The following PRTG variants were observed in gnomAD, a reference collection of about 807,000 sequenced individuals.
PRTG encodes the protein protogenin, also known as immunoglobulin superfamily, DCC subclass, member 5.
Under a neutral mutation model 122.5 loss-of-function variants are expected in PRTG, and 67 were observed. That is an observed-to-expected ratio of 0.55 (90% confidence interval 0.45 to 0.67). PRTG has a LOEUF of 0.67. Among genes scored for constraint, PRTG ranks in the 30% least tolerant of loss-of-function variants. PRTG has a pLI of 0.00. For missense variants in PRTG, 1,435 were observed against 1,415.4 expected, an observed-to-expected ratio of 1.01 and a Z score of -0.22; for synonymous variants, 554 against 501.1, an observed-to-expected ratio of 1.11 and a Z score of -1.41.
At chr15:55,674,587 A>G (rs1402389564) in intron 9 of PRTG, among the ~76,000 whole-genome samples, 2 of 152,204 alleles carry the variant, frequency 1.3e-5, no homozygotes, top group African/African-American at 4.8e-5. Flanking sequence ...TAAAATTTGG[A>G]ATTCATTAAC....
intron 1 of PRTG, 27 bp downstream of exon 1, chr15:55,742,811 A>AGAGAAAGCAG (rs2031656951): frequency 1.3e-6 from 2 of 1,540,500 alleles, no homozygotes; most frequent in East Asian, 2.5e-5. Flanking sequence ...CACAGCGGTA[A>AGAGAAAGCAG]GAGAAAGCAG....
intron 1 of PRTG, 127 bp downstream of exon 1, chr15:55,742,711 G>C: frequency 8.7e-7 from 1 of 1,148,804 alleles, no homozygotes; most frequent in Non-Finnish European, 1.2e-6. Context: ...CGGGGGCCGG[G>C]GGTCAGCGCC....
intron 15 of PRTG, among the ~76,000 whole-genome samples, chr15:55,635,902 G>C (rs2059255356): frequency 6.6e-6 from 1 of 152,054 alleles, no homozygotes; most frequent in Non-Finnish European, 1.5e-5. Context: ...TTCTTCTTCA[G>C]CTTTTTATTG....
At chr15:55,698,065 G>A (rs1002374262) in intron 2 of PRTG, among the ~76,000 whole-genome samples, 1 of 151,994 alleles carries the variant, frequency 6.6e-6, no homozygotes, top group Admixed American at 6.6e-5. Flanking sequence ...CTTGCACCAA[G>A]GTTAACCTTC....
At chr15:55,711,081 A>ATTTTTTTT (rs1168529643) in intron 2 of PRTG, among the ~76,000 whole-genome samples, 3 of 115,480 alleles carry the variant, frequency 2.6e-5, no homozygotes, top group Non-Finnish European at 3.7e-5. Flanking sequence ...TAATTTTTGT[A>ATTTTTTTT]TTTTTTTTTT....
intron 2 of PRTG, among the ~76,000 whole-genome samples, chr15:55,709,300 C>T (rs542458836): frequency 6.9e-6 from 1 of 145,914 alleles, no homozygotes; most frequent in East Asian, 2.0e-4. Flanking sequence ...AGACCCATAA[C>T]AAAAAGAAAG....
intron 2 of PRTG, among the ~76,000 whole-genome samples, chr15:55,701,907 T>C (rs751750203): frequency 1.3e-5 from 2 of 152,102 alleles, no homozygotes; most frequent in Non-Finnish European, 2.9e-5. Flanking sequence ...ATGCAAAATA[T>C]ATGGGCTGCT....
At chr15:55,640,257 CA>C (rs1181646545) in intron 12 of PRTG, among the ~76,000 whole-genome samples, 14 of 152,190 alleles carry the variant, frequency 9.2e-5, no homozygotes, top group Admixed American at 9.2e-4. Flanking sequence ...TTTGTGTATC[CA>C]AACATATCCA....
chr15:55,716,965 T>A (rs1316995665), intron 2 of PRTG, among the ~76,000 whole-genome samples: 1 of 152,164 alleles, frequency 6.6e-6, no homozygotes, highest in Admixed American at 6.6e-5. Context: ...TCGAGGAACA[T>A]CATCAGGTAC....
At position 55,620,418 on chromosome 15, in the gene PRTG, G is replaced by A. The variant is rs180697051; in HGVS notation, c.3199-152C>T. 5,167 of 1,410,982 alleles carry A rather than the reference G, an allele frequency of 3.7e-3. 18 individuals carry two copies. The highest frequency in any genetic ancestry group is 4.4e-3 in the Middle Eastern group (17 of 3,854). The allele number at this position is 1,410,982 out of a possible 1,614,324, so 87.4% of individuals were successfully genotyped here. ...AGCTTCTTCAGTGCTTCTGATGCAC[G>A]CTCCTGCTCCTATCCCTTACCTCAC... On this transcript the variant is annotated intron_variant, in intron 19 of 19. Coordinates refer to ENST00000389286, the MANE Select transcript of PRTG (RefSeq NM_173814.6).
chr15:55,669,151 A>G (rs2059454410), intron 11 of PRTG, among the ~76,000 whole-genome samples: 1 of 152,150 alleles, frequency 6.6e-6, no homozygotes, highest in Non-Finnish European at 1.5e-5. Flanking sequence ...TTAAATTAAA[A>G]ACTTAATTAT....
intron 2 of PRTG, among the ~76,000 whole-genome samples, chr15:55,736,754 C>T (rs2031425743): frequency 6.6e-6 from 1 of 152,066 alleles, no homozygotes; most frequent in Non-Finnish European, 1.5e-5. Context: ...ATTTTTTACC[C>T]AAGTGAACAG....
intron 11 of PRTG, 94 bp from the exon 12 acceptor site, chr15:55,641,302 C>A: frequency 2.6e-6 from 2 of 780,412 alleles, no homozygotes; most frequent in Non-Finnish European, 4.2e-6. Context: ...GTTTAAAAAC[C>A]TGCTGAATGC....
At chr15:55,656,286 C>T (rs1436092293) in intron 11 of PRTG, 1 of 447,670 alleles carries the variant, frequency 2.2e-6, no homozygotes, top group African/African-American at 2.0e-5. Context: ...GATGGCATTT[C>T]CAGTTGAGCT....
intron 11 of PRTG, among the ~76,000 whole-genome samples, chr15:55,645,145 A>G (rs2059313307): frequency 6.6e-6 from 1 of 152,100 alleles, no homozygotes; most frequent in Admixed American, 6.5e-5. Context: ...TAAATTTAAG[A>G]GTGGAAGGGG....
rs1345734867 is a variant in PRTG at position 55,613,726 on chromosome 15, T to G, written c.*6286A>C. 6.6e-6 allele frequency: 1 copy of G among 151,626 alleles called. No individual in the cohort carries two copies. Among genetic ancestry groups the G allele is most frequent in the Non-Finnish European group, 1.5e-5 (1 of 67,896 alleles). The allele number at this position is 151,626 out of a possible 1,614,324, so 9.4% of individuals were successfully genotyped here. ...AAAACAGTTGTATCTGGTCACACTA[T>G]GGAAGGCACTATGACCCTGGGTGAT... On this transcript the variant is annotated 3_prime_UTR_variant, in exon 20 of 20. Transcript: ENST00000389286.
rs1223264364 is a variant in PRTG, at chr15:55,682,553, T to TTTATTTATTTATTTAA, written c.543-57_543-56insTTAAATAAATAAATAA. On this transcript the variant is annotated intron_variant, in intron 3 of 19. Coordinates refer to ENST00000389286, the MANE Select transcript of PRTG (RefSeq NM_173814.6). The stretch of plus-strand genomic sequence containing the variant: ...TGTAGTAGATTTCATATTTTATTTA[T>TTTATTTATTTATTTAA]TTATTTATTTATTTATTTATTTATT... The TTTATTTATTTATTTAA allele has an allele frequency of 2.3e-3, 1,004 of 436,888 alleles. 24 individuals are homozygous for TTTATTTATTTATTTAA. In the East Asian group the frequency reaches 0.045, roughly 20 times the overall value. The allele number at this position is 436,888 out of a possible 1,614,324, so 27.1% of individuals were successfully genotyped here. A position where few individuals can be genotyped will look rare whatever the true frequency, so the allele number is the denominator to read the frequency against.
chr15:55,692,909 C>G (rs1050832054), intron 2 of PRTG, among the ~76,000 whole-genome samples: 4 of 133,528 alleles, frequency 3.0e-5, no homozygotes, highest in Admixed American at 9.2e-5. Context: ...CGTGCGATCT[C>G]AGCTCACTGC....
intron 2 of PRTG, among the ~76,000 whole-genome samples, chr15:55,689,259 G>A (rs973875871): frequency 6.6e-6 from 1 of 152,172 alleles, no homozygotes; most frequent in Admixed American, 6.5e-5. Flanking sequence ...TCACAAAAAT[G>A]TGATTCTAAT....
Sources: allele counts gnomAD v4.1 joint callset (sites outside exome capture counted in the v4.1 genomes callset), GRCh38; gene constraint gnomAD v4.1.1; transcripts MANE v1.5; gene names NCBI Gene and HGNC (gene_info 2026-07-23, HGNC 2026-07-21).